MYO1H: variants seen among roughly 807,000 people sequenced by gnomAD.
The protein encoded by MYO1H is unconventional myosin-Ih.
Under a neutral mutation model 149.3 loss-of-function variants are expected in MYO1H, and 118 were observed. That is an observed-to-expected ratio of 0.79 (90% CI 0.68 to 0.92). The LOEUF (loss-of-function observed/expected upper bound fraction) is 0.92, where lower values mean the gene tolerates loss of function less well. MYO1H is among the 40% of genes least tolerant of loss of function. The pLI is 0.00. For synonymous variants in MYO1H, 447 were observed against 465.2 expected (o/e 0.96, Z 0.50); for missense variants, 1,212 against 1,280.7 (o/e 0.95, Z 0.82).
At chr12:109,334,026 T>C in the MYO1H span, among the ~76,000 whole-genome samples, 1 of 151,468 alleles carries the variant, frequency 6.6e-6, no homozygotes, top group South Asian at 2.1e-4. Context: ...ATTTGTTTAC[T>C]TTTTTTTTGA....
chr12:109,385,351 G>A (rs1363952596), intron 1 of MYO1H, among the ~76,000 whole-genome samples: 1 of 149,704 alleles, frequency 6.7e-6, no homozygotes, highest in Non-Finnish European at 1.5e-5. Flanking sequence ...CTGGAGTGTA[G>A]CAGTGCAATC....
intron 2 of MYO1H, among the ~76,000 whole-genome samples, chr12:109,389,160 A>G (rs1869522783): frequency 6.6e-6 from 1 of 152,178 alleles, no homozygotes; most frequent in Non-Finnish European, 1.5e-5. Context: ...TTTCTTAGGC[A>G]TCCATTTCTT....
chr12:109,369,644 A>C (rs1393950761), intron 1 of MYO1H, among the ~76,000 whole-genome samples: 1 of 152,242 alleles, frequency 6.6e-6, no homozygotes, highest in Non-Finnish European at 1.5e-5. Flanking sequence ...CCAAGAAGTT[A>C]CCAGGTTGTA....
intron 1 of MYO1H, among the ~76,000 whole-genome samples, chr12:109,382,756 C>T (rs1043950529): frequency 2.0e-5 from 3 of 151,496 alleles, no homozygotes; most frequent in East Asian, 3.9e-4. Flanking sequence ...GGAAGGCATA[C>T]GTTCATTGTT....
chr12:109,432,906 C>T (rs757896875), exon 20 of MYO1H: 7 of 1,613,850 alleles, frequency 4.3e-6, no homozygotes, highest in South Asian at 1.1e-5. Flanking sequence ...GGTACAAGTC[C>T]TTATGCCCAG....
Position 109,428,107 on chromosome 12 carries a change from A to C in MYO1H, c.1949+521A>C, listed in dbSNP as rs549559761. ...TCTCAAAAACAAAACAAAACAACAA[A>C]AAAAAAAACTCACAAAAATTCAGTT... On this transcript the variant is annotated intron_variant, in intron 19 of 31. Coordinates refer to ENST00000310903, the Ensembl canonical transcript of MYO1H. Among the ~76,000 whole-genome samples, 230 of 149,924 alleles carry C rather than the reference A, an allele frequency of 1.5e-3. 1 individual carries two copies. Among genetic ancestry groups the C allele is most frequent in the African/African-American group, 3.5e-3 (143 of 40,888 alleles).
intron 1 of MYO1H, among the ~76,000 whole-genome samples, chr12:109,385,715 T>C (rs951967438): frequency 2.6e-5 from 4 of 152,300 alleles, no homozygotes; most frequent in Admixed American, 2.6e-4. Context: ...CATTCTGTTT[T>C]TTAAAACTTT....
In MYO1H at chr12:109,397,826, C is replaced by T; in HGVS notation, c.570+14C>T. 1 of 1,592,770 alleles carries T rather than the reference C, an allele frequency of 6.3e-7. No individual in the cohort carries two copies. Among genetic ancestry groups the T allele is most frequent in the Non-Finnish European group, 8.6e-7 (1 of 1,167,646 alleles). On this transcript the variant is annotated intron_variant, in intron 5 of 31. Coordinates refer to ENST00000310903, the Ensembl canonical transcript of MYO1H. ...TTTGATTTTCAGGTACACTGAAGCT[C>T]CTATTACTGGTTCATGGGGACCCCT...
intron 2 of MYO1H, 116 bp downstream of exon 2, chr12:109,388,960 C>A: frequency 7.7e-7 from 1 of 1,301,936 alleles, no homozygotes; most frequent in Non-Finnish European, 1.0e-6. Flanking sequence ...AAGGGAGATA[C>A]TGAGGCGCCA....
chr12:109,444,294 G>C lies in MYO1H; in HGVS notation c.2895+11G>C, dbSNP rs1373734659. ...GACAGCAAGCAAAAGGTAATTGACA[G>C]CCACCAGTCTCTACTAAAAGACAGA... On this transcript the variant is annotated intron_variant, in intron 29 of 31. Coordinates refer to ENST00000310903, the Ensembl canonical transcript of MYO1H. 1 of 1,611,666 alleles carries C rather than the reference G, an allele frequency of 6.2e-7. No homozygotes were observed. Among genetic ancestry groups the C allele is most frequent in the African/African-American group, 1.3e-5 (1 of 74,868 alleles).
At chr12:109,369,468 G>A (rs1318609801) in intron 1 of MYO1H, among the ~76,000 whole-genome samples, 1 of 152,328 alleles carries the variant, frequency 6.6e-6, no homozygotes, top group East Asian at 1.9e-4. Flanking sequence ...GAGAGACTGA[G>A]GTTCAAAGAG....
chr12:109,381,819 C>CT (rs1249719180), intron 1 of MYO1H, among the ~76,000 whole-genome samples: 1 of 150,834 alleles, frequency 6.6e-6, no homozygotes, highest in African/African-American at 2.4e-5. Context: ...GAGCAAGACT[C>CT]TGTCTTAAAA....
At chr12:109,359,131 C>T (rs1868681359) in intron 1 of MYO1H, 1 of 152,118 alleles carries the variant, frequency 6.6e-6, no homozygotes, top group South Asian at 2.1e-4. Flanking sequence ...GCTCACTAAC[C>T]TAACCGTGGT....
At chr12:109,398,607 A>C (rs923499446) in intron 5 of MYO1H, among the ~76,000 whole-genome samples, 1 of 151,648 alleles carries the variant, frequency 6.6e-6, no homozygotes, top group African/African-American at 2.4e-5. Context: ...AAAATTAGCC[A>C]TGCATGGTGG....
At chr12:109,359,761 T>C (rs1209864606) in intron 1 of MYO1H, among the ~76,000 whole-genome samples, 3 of 152,232 alleles carry the variant, frequency 2.0e-5, no homozygotes, top group Non-Finnish European at 4.4e-5. Flanking sequence ...CGAAAAGGCC[T>C]TTGTGCGGAC....
chr12:109,399,346 C>T (rs1870055901), intron 5 of MYO1H, among the ~76,000 whole-genome samples: 1 of 152,078 alleles, frequency 6.6e-6, no homozygotes, highest in Non-Finnish European at 1.5e-5. Flanking sequence ...AATCCCAGCA[C>T]TTTGGGAGGC....
chr12:109,380,022 C>A (rs562638257), intron 1 of MYO1H, among the ~76,000 whole-genome samples: 1 of 152,050 alleles, frequency 6.6e-6, no homozygotes, highest in Admixed American at 6.6e-5. Context: ...TAAGCCACCA[C>A]GCCCGGCCAG....
chr12:109,357,243 C>T (rs753049753), intron 1 of MYO1H: 6 of 152,172 alleles, frequency 3.9e-5, no homozygotes, highest in Non-Finnish European at 7.3e-5. Context: ...TTTTTCAACA[C>T]TGTTAGGTGC....
intron 1 of MYO1H, among the ~76,000 whole-genome samples, chr12:109,351,808 T>TA (rs1414736152): frequency 6.6e-6 from 1 of 152,200 alleles, no homozygotes; most frequent in Non-Finnish European, 1.5e-5. Context: ...ATGTTTCTAA[T>TA]AGTAGTTTTT....
Sources: allele counts gnomAD v4.1 joint callset (sites outside exome capture counted in the v4.1 genomes callset), GRCh38; gene constraint gnomAD v4.1.1; transcripts MANE v1.5; gene names NCBI Gene and HGNC (gene_info 2026-07-23, HGNC 2026-07-21).